PMFBP1: variants seen among roughly 807,000 people sequenced by gnomAD.
PMFBP1 encodes the protein polyamine-modulated factor 1-binding protein 1.
In PMFBP1, 131 loss-of-function variants were observed where a neutral mutation model predicts 137.8. The ratio of observed to expected loss-of-function variants is 0.95; its 90% confidence interval spans 0.82 to 1.10. The LOEUF (loss-of-function observed/expected upper bound fraction) is 1.10. Among genes scored for constraint, PMFBP1 ranks in the 50% least tolerant of loss-of-function variants. The pLI is 0.00. For synonymous variants in PMFBP1, 490 were observed against 450.4 expected (o/e 1.09, Z -1.11); for missense variants, 1,199 against 1,175.4 (o/e 1.02, Z -0.29).
the PMFBP1 span, among the ~76,000 whole-genome samples, chr16:72,213,265 G>A: frequency 1.3e-4 from 20 of 152,236 alleles, no homozygotes; most frequent in Admixed American, 2.0e-4. Flanking sequence ...CAGACTCCCC[G>A]TAGTCCTTTC....
chr16:72,241,820 G>T, the PMFBP1 span, among the ~76,000 whole-genome samples: 15 of 152,180 alleles, frequency 9.9e-5, no homozygotes, highest in African/African-American at 3.6e-4. Context: ...AGTAGGTACA[G>T]AATTCATACC....
chr16:72,231,312 T>A, the PMFBP1 span, among the ~76,000 whole-genome samples: 1 of 152,146 alleles, frequency 6.6e-6, no homozygotes, highest in Non-Finnish European at 1.5e-5. Flanking sequence ...ACACATACAT[T>A]ACTACAGTCT....
At chr16:72,180,491 C>T (rs927255960), upstream of PMFBP1, among the ~76,000 whole-genome samples, 23 of 152,022 alleles carry the variant, frequency 1.5e-4, no homozygotes, top group African/African-American at 5.3e-4. Context: ...TGACTGAAGC[C>T]GCAGCAATGT....
the PMFBP1 span, among the ~76,000 whole-genome samples, chr16:72,243,511 G>T: frequency 6.6e-6 from 1 of 152,328 alleles, no homozygotes; most frequent in South Asian, 2.1e-4. Context: ...TTGTATACTG[G>T]TGTAAATTGG....
chr16:72,204,898 T>C, the PMFBP1 span, among the ~76,000 whole-genome samples: 2 of 152,350 alleles, frequency 1.3e-5, no homozygotes, highest in Middle Eastern at 3.4e-3. Context: ...GACTGAGGAA[T>C]GGAATTTTAA....
chr16:72,126,964 T>C (rs2042469518), intron 14 of PMFBP1, among the ~76,000 whole-genome samples: 1 of 152,234 alleles, frequency 6.6e-6, no homozygotes, highest in African/African-American at 2.4e-5. Flanking sequence ...AAGGGCTTTG[T>C]TTTACTATAC....
chr16:72,222,994 A>G, the PMFBP1 span, among the ~76,000 whole-genome samples: 1 of 152,136 alleles, frequency 6.6e-6, no homozygotes, highest in Admixed American at 6.6e-5. Flanking sequence ...GGAGTGAATA[A>G]TCTTGGGTAT....
intron 15 of PMFBP1, among the ~76,000 whole-genome samples, chr16:72,125,764 G>A (rs774903703): frequency 6.6e-6 from 1 of 152,138 alleles, no homozygotes; most frequent in Admixed American, 6.5e-5. Flanking sequence ...TTTGATCTTT[G>A]TCCTCTTCCT....
At chr16:72,210,746 G>A in the PMFBP1 span, among the ~76,000 whole-genome samples, 7 of 152,206 alleles carry the variant, frequency 4.6e-5, no homozygotes, top group Non-Finnish European at 1.0e-4. Context: ...TCCCTCCCAC[G>A]GCTACTGGGT....
At chr16:72,132,161 G>A (rs1436569462) in intron 10 of PMFBP1, among the ~76,000 whole-genome samples, 2 of 152,130 alleles carry the variant, frequency 1.3e-5, no homozygotes, top group Non-Finnish European at 2.9e-5. Context: ...CCCTTTAAAA[G>A]TATACAATTC....
upstream of PMFBP1, among the ~76,000 whole-genome samples, chr16:72,174,709 A>G (rs1433685666): frequency 6.6e-6 from 1 of 152,206 alleles, no homozygotes; most frequent in Non-Finnish European, 1.5e-5. Context: ...GGCAGGAGAG[A>G]GAATGAGTGC....
intron 16 of PMFBP1, 61 bp downstream of exon 16, chr16:72,125,177 C>A (rs1034172792): frequency 6.4e-7 from 1 of 1,560,672 alleles, no homozygotes; most frequent in Non-Finnish European, 8.7e-7. Context: ...ATTCTGGATG[C>A]AAGAGGTGAC....
At chr16:72,166,850 T>C (rs2144512281) in intron 2 of PMFBP1, among the ~76,000 whole-genome samples, 1 of 152,316 alleles carries the variant, frequency 6.6e-6, no homozygotes, top group South Asian at 2.1e-4. Context: ...GTGACTTCAA[T>C]AGTCTAAAGG....
At chr16:72,139,529 C>T in intron 6 of PMFBP1, 130 bp from the exon 7 acceptor site, 1 of 741,246 alleles carries the variant, frequency 1.3e-6, no homozygotes, top group Non-Finnish European at 2.3e-6. Flanking sequence ...TCAGGCATTC[C>T]CTGTGGGGTA....
At chr16:72,145,547 G>A (rs1381053840) in intron 5 of PMFBP1, among the ~76,000 whole-genome samples, 3 of 151,894 alleles carry the variant, frequency 2.0e-5, no homozygotes, top group Non-Finnish European at 2.9e-5. Context: ...AACTGAAGGA[G>A]ATAGAGACAC....
chr16:72,140,869 T>C (rs1007803092), intron 5 of PMFBP1, among the ~76,000 whole-genome samples: 5 of 151,464 alleles, frequency 3.3e-5, no homozygotes, highest in Non-Finnish European at 7.4e-5. Context: ...TTGGATATCA[T>C]TCAGGAATAT....
the PMFBP1 span, among the ~76,000 whole-genome samples, chr16:72,227,962 C>T: frequency 7.2e-4 from 110 of 152,194 alleles, no homozygotes; most frequent in Non-Finnish European, 8.5e-4. Context: ...AACACCTAAA[C>T]GCCAAGTGAA....
the PMFBP1 span, among the ~76,000 whole-genome samples, chr16:72,226,141 T>C: frequency 9.2e-5 from 14 of 152,140 alleles, no homozygotes; most frequent in Non-Finnish European, 1.6e-4. Context: ...AGCTACATAT[T>C]TGTACGCTTT....
intron 14 of PMFBP1, among the ~76,000 whole-genome samples, chr16:72,128,055 T>A (rs1289266376): frequency 6.6e-6 from 1 of 152,228 alleles, no homozygotes; most frequent in Non-Finnish European, 1.5e-5. Flanking sequence ...TAGAGCTGGA[T>A]AATTCAGGTT....
Sources: gnomAD v4.1 joint callset for allele counts (sites outside exome capture counted in the v4.1 genomes callset) on GRCh38, gnomAD v4.1.1 for gene constraint, MANE v1.5 for transcripts, NCBI Gene and HGNC (gene_info 2026-07-23, HGNC 2026-07-21) for gene names.